The following STT3A variants were observed in gnomAD, a reference collection of about 807,000 sequenced individuals.
STT3A encodes dolichyl-diphosphooligosaccharide--protein glycosyltransferase subunit STT3A.
Under a neutral mutation model 89.2 loss-of-function variants are expected in STT3A, and 34 were observed. That is an observed-to-expected ratio of 0.38 (90% CI 0.29 to 0.51). The LOEUF is 0.51. STT3A is among the 20% of genes least tolerant of loss of function. The pLI is 0.89. For missense variants in STT3A, 555 were observed against 889.5 expected (o/e 0.62, Z 4.78); for synonymous variants, 282 against 310.3 (o/e 0.91, Z 0.96).
chr11:125,594,643 T>C (rs1939432610), intron 1 of STT3A, among the ~76,000 whole-genome samples: 1 of 151,596 alleles, frequency 6.6e-6, no homozygotes, highest in African/African-American at 2.4e-5. Context: ...TAACCTATGG[T>C]AGATTAGTGC....
chr11:125,615,481 A>G (rs1423396317), intron 15 of STT3A, among the ~76,000 whole-genome samples: 6 of 152,166 alleles, frequency 3.9e-5, no homozygotes, highest in Admixed American at 1.3e-4. Flanking sequence ...CAAATGGAAA[A>G]TATTTGTGAA....
In STT3A at chr11:125,620,096, C is replaced by T. The variant is rs1000325697; in HGVS notation, c.2049C>T (p.Thr683=). ...TTGATGTCCTGGAGGAAGCATATAC[C>T]ACAGAACATTGGCTGGTCAGGATAT... ...FELDVLEEAY[T]TEHWLVRIYK... Residue 683 remains threonine, a synonymous_variant, in exon 17 of 18, where the codon ACC becomes ACT. Transcript: ENST00000392708. 3.1e-6 allele frequency: 5 copies of T among 1,614,020 alleles called. No individual in the cohort carries two copies. The highest frequency in any genetic ancestry group is 4.2e-6 in the Non-Finnish European group (5 of 1,179,958).
At position 125,613,662 on chromosome 11, in the gene STT3A, T is replaced by C. The variant is rs571979425; in HGVS notation, c.1555-425T>C. Reference sequence around the variant, plus strand: ...ACAATTTGTTAGGAATAAAAACTTTTAAGAGTCTCTTAATTCTTGTCCATC... The same window carrying C: ...ACAATTTGTTAGGAATAAAAACTTTCAAGAGTCTCTTAATTCTTGTCCATC... On this transcript the variant is annotated intron_variant, in intron 13 of 17. Coordinates refer to ENST00000392708, the MANE Select transcript of STT3A (RefSeq NM_152713.5). This position sits in a 1 kb window ranked among gnomAD's most constrained non-coding sequence, Gnocchi z 4.2. 1.2e-5 allele frequency: 2 copies of C among 169,886 alleles called. No homozygotes were observed. The highest frequency in any genetic ancestry group is 3.3e-4 in the East Asian group (2 of 6,034). 10.5% of individuals were successfully genotyped at this position (169,886 alleles called of 1,614,324 possible). A position where few individuals can be genotyped will look rare whatever the true frequency, so the allele number is the denominator to read the frequency against.
intron 15 of STT3A, among the ~76,000 whole-genome samples, chr11:125,617,764 G>C (rs929726323): frequency 6.6e-6 from 1 of 152,174 alleles, no homozygotes; most frequent in Non-Finnish European, 1.5e-5. Context: ...CTACTCTTTA[G>C]ATCAGTCGTG....
intron 3 of STT3A, among the ~76,000 whole-genome samples, chr11:125,597,658 CTGTT>C (rs200660277): frequency 9.9e-5 from 15 of 152,022 alleles, no homozygotes; most frequent in Admixed American, 2.0e-4. Context: ...TGACATTTTG[CTGTT>C]TGTTTGTTTG....
chr11:125,613,597 G>T lies in STT3A; in HGVS notation c.1554+420G>T, dbSNP rs996076087. 1 of 165,846 alleles carries T rather than the reference G, an allele frequency of 6.0e-6. No individual in the cohort carries two copies. The highest frequency in any genetic ancestry group is 1.3e-5 in the Non-Finnish European group (1 of 76,596). The allele number at this position is 165,846 out of a possible 1,614,324, so 10.3% of individuals were successfully genotyped here. On this transcript the variant is annotated intron_variant, in intron 13 of 17. Transcript: ENST00000392708. The surrounding 1 kb of genome is among the most constrained non-coding windows in gnomAD (Gnocchi z 4.2). ...TTTATATCTTTTGAGAATCTGAAGT[G>T]ATTTCCTTTACAATAACTATTAGGA...
chr11:125,604,485 T>A (rs576754769), intron 6 of STT3A, among the ~76,000 whole-genome samples: 16 of 152,344 alleles, frequency 1.1e-4, no homozygotes, highest in African/African-American at 3.8e-4. Context: ...AATAGTTAAC[T>A]ATTGTTTTAA....
At chr11:125,607,023 A>C (rs1198943550) in intron 8 of STT3A, among the ~76,000 whole-genome samples, 2 of 152,226 alleles carry the variant, frequency 1.3e-5, no homozygotes, top group Admixed American at 1.3e-4. Context: ...CCAACTTATG[A>C]AGCGTGACTT....
At chr11:125,605,853 C>A in intron 7 of STT3A, 118 bp downstream of exon 7, 3 of 807,732 alleles carry the variant, frequency 3.7e-6, no homozygotes, top group South Asian at 1.9e-5. Flanking sequence ...TTTTTCTTTT[C>A]CAGTATATTT....
chr11:125,618,576 A>G lies in STT3A; in HGVS notation c.1963+15A>G. Reference sequence around the variant, plus strand: ...CACAGAAGCCAGTGAGTGACTCATAATAATATTAATAACAGTAGTAATAAT... The same window carrying G: ...CACAGAAGCCAGTGAGTGACTCATAGTAATATTAATAACAGTAGTAATAAT... On this transcript the variant is annotated intron_variant, in intron 16 of 17. Transcript: ENST00000392708. The G allele has an allele frequency of 1.2e-6, 2 of 1,607,102 alleles. No homozygotes were observed. The highest frequency in any genetic ancestry group is 1.7e-6 in the Non-Finnish European group (2 of 1,177,070).
rs955744485 is a variant in STT3A, at chr11:125,606,192, T to C, written c.616-109T>C. On this transcript the variant is annotated intron_variant, in intron 7 of 17. Transcript: ENST00000392708. ...AAGCCATTTGGCATAAATAAAGTTA[T>C]AGTTACTATAAGTGTTCTTTAAAGA... The C allele has an allele frequency of 3.8e-6, 4 of 1,052,908 alleles. No homozygotes were observed. The South Asian group carries it at 4.9e-5, about 13-fold the overall frequency. 65.2% of individuals were successfully genotyped at this position (1,052,908 alleles called of 1,614,324 possible). A position where few individuals can be genotyped will look rare whatever the true frequency, so the allele number is the denominator to read the frequency against.
Position 125,621,970 on chromosome 11 carries a change from G to C in STT3A, c.*1160G>C, listed in dbSNP as rs1264270105. The C allele has an allele frequency of 6.6e-6, 1 of 152,226 alleles. No individual in the cohort carries two copies. The highest frequency in any genetic ancestry group is 1.9e-4 in the East Asian group (1 of 5,194). 9.4% of individuals were successfully genotyped at this position (152,226 alleles called of 1,614,324 possible). On this transcript the variant is annotated 3_prime_UTR_variant, in exon 18 of 18. Transcript: ENST00000392708. Reference sequence around the variant, plus strand: ...GGATCACTTGGGCCTGGGAGGTTGAGGCTACAGTGAACTGTGATTGTGCCA... The same window carrying C: ...GGATCACTTGGGCCTGGGAGGTTGACGCTACAGTGAACTGTGATTGTGCCA...
chr11:125,603,089 GC>G, intron 5 of STT3A, 141 bp downstream of exon 5: 1 of 963,410 alleles, frequency 1.0e-6, no homozygotes, highest in Non-Finnish European at 1.5e-6. Flanking sequence ...AAATTAATTG[GC>G]TTCACTCCAA....
chr11:125,619,958 T>C (rs1940300478), intron 16 of STT3A, 53 bp from the exon 17 acceptor site: 6 of 1,456,696 alleles, frequency 4.1e-6, no homozygotes, highest in Non-Finnish European at 5.7e-6. Context: ...ATACTGTCTC[T>C]CTAGGAAATT....
Position 125,622,956 on chromosome 11 carries a change from A to G in STT3A, c.*2146A>G, listed in dbSNP as rs918839843. ...GCTGGGTGTGGGGTACACACCCTGT[A>G]ATCTCAGCTACTGGGGAGGCTGAGG... On this transcript the variant is annotated 3_prime_UTR_variant, in exon 18 of 18. Transcript: ENST00000392708. 6.6e-6 allele frequency: 1 copy of G among 151,898 alleles called. No individual in the cohort carries two copies. Among genetic ancestry groups the G allele is most frequent in the Non-Finnish European group, 1.5e-5 (1 of 68,050 alleles). 9.4% of individuals were successfully genotyped at this position (151,898 alleles called of 1,614,324 possible).
At position 125,602,897 on chromosome 11, in the gene STT3A, C is replaced by T; in HGVS notation, c.366C>T (p.Leu122=). The change falls in exon 5 of 18, where the codon CTC becomes CTT. Residue 122 remains leucine, a synonymous_variant. Coordinates refer to ENST00000392708, the MANE Select transcript of STT3A (RefSeq NM_152713.5). ...IRNVCVFLAP[L]FSSFTTIVTY... The stretch of plus-strand genomic sequence containing the variant: ...ATGTCTGTGTGTTCCTGGCCCCTCT[C>T]TTCTCCTCCTTCACCACCATCGTCA... The T allele has an allele frequency of 6.2e-7, 1 of 1,614,182 alleles. No individual in the cohort carries two copies. The highest frequency in any genetic ancestry group is 8.5e-7 in the Non-Finnish European group (1 of 1,180,042).
At chr11:125,609,715 G>A (rs1591376923) in intron 10 of STT3A, 126 bp downstream of exon 10, 11 of 1,196,752 alleles carry the variant, frequency 9.2e-6, no homozygotes, top group East Asian at 5.1e-5. Context: ...TACAGAGGAC[G>A]GCTAAGCAAA....
At chr11:125,597,430 A>AAG (rs1191445445) in intron 3 of STT3A, among the ~76,000 whole-genome samples, 1 of 151,322 alleles carries the variant, frequency 6.6e-6, no homozygotes, top group East Asian at 1.9e-4. Flanking sequence ...ACAAAAAAAA[A>AAG]AAAAAAAGTA....
intron 2 of STT3A, 26 bp downstream of exon 2, chr11:125,596,029 T>A (rs747747924): frequency 1.3e-6 from 2 of 1,532,640 alleles, no homozygotes; most frequent in East Asian, 2.3e-5. Flanking sequence ...AACCTCTCTT[T>A]CTTTGGGGAT....
Sources: gnomAD v4.1 joint callset for allele counts (sites outside exome capture counted in the v4.1 genomes callset) on GRCh38, gnomAD v4.1.1 for gene constraint, Gnocchi (gnomAD v3.1) non-coding constraint, MANE v1.5 for transcripts, NCBI Gene and HGNC (gene_info 2026-07-23, HGNC 2026-07-21) for gene names.